NRG3: variants seen among roughly 807,000 people sequenced by gnomAD.
NRG3 encodes the protein pro-neuregulin-3, membrane-bound isoform.
A neutral mutation model predicts 66.9 loss-of-function variants in NRG3; 31 were observed. That is an observed-to-expected ratio of 0.46 (90% CI 0.35 to 0.63). The LOEUF is 0.63. NRG3 is among the 20% of genes least tolerant of loss of function. The pLI is 0.00. For synonymous variants in NRG3, 393 were observed against 359.4 expected (o/e 1.09, Z -1.06); for missense variants, 910 against 878.9 (o/e 1.04, Z -0.45).
At chr10:82,983,217 A>C (rs1286072327) in intron 8 of NRG3, among the ~76,000 whole-genome samples, 2 of 152,192 alleles carry the variant, frequency 1.3e-5, no homozygotes, top group Non-Finnish European at 2.9e-5. Flanking sequence ...TGACAGGCAG[A>C]CTTTCTATAT....
At chr10:82,143,625 A>G (rs536695843) in intron 1 of NRG3, among the ~76,000 whole-genome samples, 2 of 152,344 alleles carry the variant, frequency 1.3e-5, no homozygotes, top group East Asian at 3.9e-4. Flanking sequence ...GAAGCAAGAT[A>G]TAGAATCTGG....
intron 2 of NRG3, among the ~76,000 whole-genome samples, chr10:82,637,939 T>G (rs1017393660): frequency 4.6e-5 from 7 of 152,174 alleles, no homozygotes; most frequent in Non-Finnish European, 7.4e-5. Flanking sequence ...ATGTCCTCAT[T>G]TGTGAGAAAT....
intron 2 of NRG3, among the ~76,000 whole-genome samples, chr10:82,394,714 C>T (rs887939344): frequency 5.3e-5 from 8 of 152,142 alleles, no homozygotes; most frequent in African/African-American, 1.9e-4. Flanking sequence ...TTCAAACCAT[C>T]CGTTACAAAT....
chr10:82,477,442 T>A (rs1425311328), intron 2 of NRG3, among the ~76,000 whole-genome samples: 2 of 152,176 alleles, frequency 1.3e-5, no homozygotes, highest in African/African-American at 4.8e-5. Context: ...TGTATTATTA[T>A]CCCTTTTGCC....
rs538470512 is a variant in NRG3, at chr10:82,634,516, CAAATT to C, written c.954-104056_954-104052del. Among the ~76,000 whole-genome samples, 22 of 152,134 alleles carry C rather than the reference CAAATT, an allele frequency of 1.4e-4. No homozygotes were observed. In the South Asian group the frequency reaches 2.9e-3, roughly 20 times the overall value. ...GGGAGATGCACATTTTTTAAAAACT[CAAATT>C]AAATAAGTTTGTTCAATATTTTTAG... On this transcript the variant is annotated intron_variant, in intron 2 of 8. Transcript: ENST00000372141.
chr10:82,511,473 G>T (rs1162490060), intron 2 of NRG3, among the ~76,000 whole-genome samples: 2 of 152,156 alleles, frequency 1.3e-5, no homozygotes, highest in Non-Finnish European at 2.9e-5. Flanking sequence ...TGGGTGAGTT[G>T]TCACTCCTTG....
At chr10:81,955,329 A>G (rs1041419816) in intron 1 of NRG3, among the ~76,000 whole-genome samples, 1 of 152,048 alleles carries the variant, frequency 6.6e-6, no homozygotes, top group Non-Finnish European at 1.5e-5. Flanking sequence ...GAAGCTCTGT[A>G]GAACAGGAGC....
At chr10:82,233,729 A>G (rs1482548282) in intron 1 of NRG3, among the ~76,000 whole-genome samples, 2 of 152,072 alleles carry the variant, frequency 1.3e-5, no homozygotes, top group Non-Finnish European at 2.9e-5. Flanking sequence ...AAATGGCACC[A>G]TCAGCCAACC....
rs2090902206 is a variant in NRG3, at chr10:82,449,290, A to G, written c.953+90422A>G. Among the ~76,000 whole-genome samples the G allele has an allele frequency of 2.6e-5, 4 of 152,326 alleles. No individual in the cohort carries two copies. In the South Asian group the frequency reaches 6.2e-4, roughly 24 times the overall value. On this transcript the variant is annotated intron_variant, in intron 2 of 8. Transcript: ENST00000372141. ...GGGGTCCAACAAAGGAAGAATGTCT[A>G]GTGGACATTTTGCAAAACATAAAGT...
intron 2 of NRG3, among the ~76,000 whole-genome samples, chr10:82,693,728 T>G (rs1172373622): frequency 6.6e-6 from 1 of 152,192 alleles, no homozygotes; most frequent in Non-Finnish European, 1.5e-5. Context: ...CATCCGGAGT[T>G]TGTTCCTTCT....
chr10:82,174,881 T>C (rs957375892), intron 1 of NRG3, among the ~76,000 whole-genome samples: 1 of 152,150 alleles, frequency 6.6e-6, no homozygotes, highest in Admixed American at 6.6e-5. Flanking sequence ...CATTTTCTAA[T>C]GATTGAAGCC....
chr10:82,633,061 T>C (rs931714075), intron 2 of NRG3, among the ~76,000 whole-genome samples: 7 of 152,206 alleles, frequency 4.6e-5, no homozygotes, highest in African/African-American at 1.7e-4. Flanking sequence ...ACAGGATAGC[T>C]ACTGTACCTC....
At chr10:82,484,941 TA>T (rs1170019012) in intron 2 of NRG3, among the ~76,000 whole-genome samples, 1 of 152,228 alleles carries the variant, frequency 6.6e-6, no homozygotes. Context: ...TACTCACTAC[TA>T]GTGACTAACA....
chr10:82,435,091 G>A (rs774316134), intron 2 of NRG3, among the ~76,000 whole-genome samples: 23 of 151,964 alleles, frequency 1.5e-4, no homozygotes, highest in Non-Finnish European at 2.5e-4. Context: ...TTTTTCGTTG[G>A]TAGGCTATTC....
intron 1 of NRG3, among the ~76,000 whole-genome samples, chr10:82,191,770 A>G (rs946205401): frequency 1.3e-4 from 20 of 152,156 alleles, no homozygotes; most frequent in African/African-American, 4.8e-4. Flanking sequence ...TTTCTTACCA[A>G]ACACTGTTCT....
At chr10:82,000,459 A>T (rs1163896917) in intron 1 of NRG3, among the ~76,000 whole-genome samples, 3 of 152,178 alleles carry the variant, frequency 2.0e-5, no homozygotes, top group Non-Finnish European at 4.4e-5. Context: ...TTCTGGCAGA[A>T]ATGTGAATGG....
intron 1 of NRG3, among the ~76,000 whole-genome samples, chr10:82,221,186 A>C (rs1011780725): frequency 1.3e-5 from 2 of 151,736 alleles, no homozygotes; most frequent in Non-Finnish European, 2.9e-5. Flanking sequence ...TTGATTTGGA[A>C]CTGAGGATTT....
chr10:82,501,146 C>G (rs1272328494), intron 2 of NRG3, among the ~76,000 whole-genome samples: 1 of 151,912 alleles, frequency 6.6e-6, no homozygotes, highest in Non-Finnish European at 1.5e-5. Context: ...AAGCTGGAGG[C>G]AGATTTGGAA....
intron 1 of NRG3, among the ~76,000 whole-genome samples, chr10:82,113,356 C>T (rs890133318): frequency 6.6e-6 from 1 of 152,136 alleles, no homozygotes; most frequent in Non-Finnish European, 1.5e-5. Context: ...CGCTCCTGAT[C>T]ACTATGCAGT....
Sources: allele counts gnomAD v4.1 joint callset (sites outside exome capture counted in the v4.1 genomes callset), GRCh38; gene constraint gnomAD v4.1.1; transcripts MANE v1.5; gene names NCBI Gene and HGNC (gene_info 2026-07-23, HGNC 2026-07-21).